NXPH2: variants seen among roughly 807,000 people sequenced by gnomAD.
NXPH2 encodes the protein neurexophilin 2.
NXPH2 carries 5 observed loss-of-function variants against 19.8 expected under a neutral mutation model. That is an observed-to-expected ratio of 0.25 (90% confidence interval 0.13 to 0.53). The LOEUF (loss-of-function observed/expected upper bound fraction) is 0.53. Among genes scored for constraint, NXPH2 ranks in the 20% least tolerant of loss-of-function variants. The pLI, the probability that NXPH2 is intolerant of heterozygous loss-of-function variation, is 0.96. For synonymous variants in NXPH2, 154 were observed against 127.4 expected (o/e 1.21, Z -1.41); for missense variants, 289 against 322.8 (o/e 0.90, Z 0.80).
At chr2:138,736,280 T>C (rs1446085407) in intron 1 of NXPH2, among the ~76,000 whole-genome samples, 1 of 152,218 alleles carries the variant, frequency 6.6e-6, no homozygotes, top group African/African-American at 2.4e-5. Context: ...TGCAGCAAAC[T>C]TCTGCCTGGG....
chr2:138,776,437 A>G (rs1344234679), intron 1 of NXPH2, among the ~76,000 whole-genome samples: 1 of 152,074 alleles, frequency 6.6e-6, no homozygotes, highest in African/African-American at 2.4e-5. Context: ...ACCAGATAAC[A>G]TAATACCAGA....
Position 138,691,626 on chromosome 2 carries a change from CT to C in NXPH2, c.52-19962del, listed in dbSNP as rs1480082294. On this transcript the variant is annotated intron_variant, in intron 1 of 1. Coordinates refer to ENST00000272641, the MANE Select transcript of NXPH2 (RefSeq NM_007226.3). Reference sequence around the variant, plus strand: ...ACTATTGGGAGAAAGTTATACTTTTCTGGTACATGCACTCTTGGAACCTGAG... The same window carrying C: ...ACTATTGGGAGAAAGTTATACTTTTCGGTACATGCACTCTTGGAACCTGAG... 2.1e-4 allele frequency among the ~76,000 whole-genome samples: 32 copies of C among 152,272 alleles called. 1 individual carries two copies. Among genetic ancestry groups the C allele is most frequent in the Admixed American group, 1.8e-3 (28 of 15,278 alleles).
intron 1 of NXPH2, among the ~76,000 whole-genome samples, chr2:138,744,942 C>T (rs556280196): frequency 3.9e-4 from 60 of 152,296 alleles, no homozygotes; most frequent in Middle Eastern, 3.4e-3. Flanking sequence ...CTCTTAGCCA[C>T]GCAGGCTTTA....
At chr2:138,734,241 T>C (rs1434363504) in intron 1 of NXPH2, among the ~76,000 whole-genome samples, 1 of 152,110 alleles carries the variant, frequency 6.6e-6, no homozygotes, top group Non-Finnish European at 1.5e-5. Flanking sequence ...GAAGACTCTG[T>C]CACAAAAAAG....
intron 1 of NXPH2, among the ~76,000 whole-genome samples, chr2:138,718,322 A>G (rs1033476976): frequency 9.2e-5 from 14 of 152,124 alleles, no homozygotes; most frequent in Non-Finnish European, 1.2e-4. Context: ...CTTATAAAGG[A>G]AGGAGAATTA....
intron 1 of NXPH2, among the ~76,000 whole-genome samples, chr2:138,720,248 A>G (rs1681257561): frequency 6.6e-6 from 1 of 152,206 alleles, no homozygotes; most frequent in Non-Finnish European, 1.5e-5. Context: ...TGAAGAACAA[A>G]AGCAATGACT....
chr2:138,710,019 T>G (rs1040775269), intron 1 of NXPH2, among the ~76,000 whole-genome samples: 1 of 152,222 alleles, frequency 6.6e-6, no homozygotes, highest in African/African-American at 2.4e-5. Context: ...AACTGTCTAT[T>G]TCTCAAACTA....
intron 1 of NXPH2, among the ~76,000 whole-genome samples, chr2:138,746,239 T>G (rs940505740): frequency 1.3e-5 from 2 of 152,228 alleles, no homozygotes; most frequent in East Asian, 1.9e-4. Flanking sequence ...GGAGACTTCT[T>G]CACAGCTCCC....
At chr2:138,694,140 C>T (rs548081271) in intron 1 of NXPH2, among the ~76,000 whole-genome samples, 2 of 152,262 alleles carry the variant, frequency 1.3e-5, no homozygotes, top group South Asian at 2.1e-4. Flanking sequence ...CAAATAATTG[C>T]TTTGTCTTAT....
intron 1 of NXPH2, among the ~76,000 whole-genome samples, chr2:138,675,635 A>T (rs1680474475): frequency 6.6e-6 from 1 of 152,144 alleles, no homozygotes. Context: ...GACTCTCTTT[A>T]AAAAAATGAA....
In NXPH2 at chr2:138,775,004, G is replaced by A. The variant is rs567793888; in HGVS notation, c.51+5187C>T. 3.3e-5 allele frequency among the ~76,000 whole-genome samples: 5 copies of A among 151,996 alleles called. No homozygotes were observed. The South Asian group carries it at 1.0e-3, about 32-fold the overall frequency. On this transcript the variant is annotated intron_variant, in intron 1 of 1. Transcript: ENST00000272641. Reference sequence around the variant, plus strand: ...CAGCGTTATTATCATTATAGTTTAAGTTTATAAAATGTCTCATTTCTCTTA... The same window carrying A: ...CAGCGTTATTATCATTATAGTTTAAATTTATAAAATGTCTCATTTCTCTTA...
chr2:138,698,099 C>T (rs750058379), intron 1 of NXPH2, among the ~76,000 whole-genome samples: 17 of 151,996 alleles, frequency 1.1e-4, no homozygotes, highest in Non-Finnish European at 2.2e-4. Flanking sequence ...TCAATGGTGA[C>T]GAATGCACAA....
intron 1 of NXPH2, among the ~76,000 whole-genome samples, chr2:138,720,565 A>G (rs2104993391): frequency 6.6e-6 from 1 of 152,336 alleles, no homozygotes; most frequent in Middle Eastern, 3.4e-3. Flanking sequence ...ATGGATGACC[A>G]GGTCACTGAG....
chr2:138,744,830 G>A (rs760453973), intron 1 of NXPH2, among the ~76,000 whole-genome samples: 14 of 152,180 alleles, frequency 9.2e-5, no homozygotes, highest in Non-Finnish European at 2.1e-4. Flanking sequence ...CCTAGACAAA[G>A]GATCTCTGAG....
At chr2:138,729,477 C>A (rs533762378) in intron 1 of NXPH2, among the ~76,000 whole-genome samples, 2 of 152,176 alleles carry the variant, frequency 1.3e-5, no homozygotes, top group African/African-American at 4.8e-5. Flanking sequence ...ATAAATTACC[C>A]AGTCTTGGGT....
At chr2:138,738,996 G>A (rs935801021) in intron 1 of NXPH2, among the ~76,000 whole-genome samples, 1 of 152,092 alleles carries the variant, frequency 6.6e-6, no homozygotes, top group Non-Finnish European at 1.5e-5. Context: ...CGAAGTCCTG[G>A]GAAACAGAGT....
chr2:138,694,897 A>G (rs748256971), intron 1 of NXPH2, among the ~76,000 whole-genome samples: 41 of 152,142 alleles, frequency 2.7e-4, no homozygotes, highest in Non-Finnish European at 4.9e-4. Context: ...CAGGTGTGAA[A>G]ATCATAGAGT....
At chr2:138,697,595 A>G (rs1573957915) in intron 1 of NXPH2, among the ~76,000 whole-genome samples, 1 of 151,924 alleles carries the variant, frequency 6.6e-6, no homozygotes, top group African/African-American at 2.4e-5. Context: ...TATTGGCAGG[A>G]AATATACAAT....
chr2:138,678,619 A>T (rs562754348), intron 1 of NXPH2, among the ~76,000 whole-genome samples: 1 of 152,104 alleles, frequency 6.6e-6, no homozygotes, highest in Non-Finnish European at 1.5e-5. Flanking sequence ...GCAATTTTAC[A>T]TGTTGTTAAT....
Sources: gnomAD v4.1 joint callset for allele counts (sites outside exome capture counted in the v4.1 genomes callset) on GRCh38, gnomAD v4.1.1 for gene constraint, MANE v1.5 for transcripts, NCBI Gene and HGNC (gene_info 2026-07-23, HGNC 2026-07-21) for gene names.